Variants in GSE1 observed in about 807,000 individuals in gnomAD.
GSE1 encodes Gse1 coiled-coil protein.
A neutral mutation model predicts 112.6 loss-of-function variants in GSE1; 32 were observed. The observed-to-expected ratio is 0.28, with a 90% CI of 0.21 to 0.38. The LOEUF (loss-of-function observed/expected upper bound fraction) is 0.38, where lower values mean the gene tolerates loss of function less well. GSE1 is among the 10% of genes least tolerant of loss of function. The probability of loss-of-function intolerance (pLI) is 1.00; values close to 1 mark genes in which losing one functional copy is unlikely to be tolerated. For synonymous variants in GSE1, 1,115 were observed against 735.6 expected (o/e 1.52, Z -8.35); for missense variants, 2,348 against 1,699.2 (o/e 1.38, Z -6.71).
At chr16:85,607,410 C>A (rs1000049467), upstream of GSE1, among the ~76,000 whole-genome samples, 1 of 152,234 alleles carries the variant, frequency 6.6e-6, no homozygotes, top group Non-Finnish European at 1.5e-5. Flanking sequence ...CACCAGGGCT[C>A]GGCGGCGCTC....
At chr16:85,420,172 A>G (rs1296534061) in intron 2 of GSE1, among the ~76,000 whole-genome samples, 1 of 152,066 alleles carries the variant, frequency 6.6e-6, no homozygotes, top group African/African-American at 2.4e-5. Context: ...GGACTGCTTG[A>G]AGCCAGGAGT....
At chr16:85,448,826 C>G (rs941213724) in intron 2 of GSE1, among the ~76,000 whole-genome samples, 15 of 152,326 alleles carry the variant, frequency 9.8e-5, no homozygotes, top group Non-Finnish European at 1.5e-4. Context: ...GAGCCCTTCC[C>G]GAGCCGAGCC....
At chr16:85,613,265 T>G, upstream of GSE1, 4 of 1,530,782 alleles carry the variant, frequency 2.6e-6, no homozygotes, top group Middle Eastern at 1.7e-4. Flanking sequence ...CCCCGGAAGC[T>G]CCACCTCCCC....
chr16:85,600,301 C>A (rs2047405998), intron 1 of GSE1, among the ~76,000 whole-genome samples: 1 of 152,192 alleles, frequency 6.6e-6, no homozygotes, highest in Non-Finnish European at 1.5e-5. Flanking sequence ...GCTGTGATCA[C>A]CCTGTGCCCA....
chr16:85,654,639 TC>T (rs1343274362), intron 4 of GSE1, among the ~76,000 whole-genome samples, 154 bp from the exon 5 acceptor site: 1 of 151,746 alleles, frequency 6.6e-6, no homozygotes, highest in African/African-American at 2.4e-5. Flanking sequence ...GGCAGCTCGC[TC>T]CCCCCGCTGC....
At chr16:85,231,482 AGATG>A (rs1206996464) in intron 1 of GSE1, among the ~76,000 whole-genome samples, 1 of 151,554 alleles carries the variant, frequency 6.6e-6, no homozygotes, top group Non-Finnish European at 1.5e-5. Flanking sequence ...ATGGATGAAT[AGATG>A]GATGGACGGA....
At chr16:85,563,115 G>A (rs1455703663) in intron 1 of GSE1, among the ~76,000 whole-genome samples, 1 of 152,124 alleles carries the variant, frequency 6.6e-6, no homozygotes, top group East Asian at 1.9e-4. Flanking sequence ...CCGTGTATTC[G>A]AAGGGAAGAG....
Position 85,469,645 on chromosome 16 carries a change from T to TA in GSE1, c.2464+112003dup, listed in dbSNP as rs2151842186. On this transcript the variant is annotated intron_variant, in intron 2 of 2. Coordinates refer to the GSE1 transcript ENST00000637419. ...TCCTTGTGGACTCTGAGGCCCCCAG[T>TA]ACTGTGGGGCATAGCTTTGGGGACC... Among the ~76,000 whole-genome samples, 2 of 152,332 alleles carry TA rather than the reference T, an allele frequency of 1.3e-5. 1 individual carries two copies. The highest frequency in any genetic ancestry group is 4.1e-4 in the South Asian group (2 of 4,826).
intron 2 of GSE1, among the ~76,000 whole-genome samples, chr16:85,426,439 TGGAAGGAA>T (rs142082206): frequency 9.2e-6 from 1 of 109,020 alleles, no homozygotes; most frequent in African/African-American, 4.1e-5. Context: ...AATGGGTGGG[TGGAAGGAA>T]GGAAGGAAGG....
intron 1 of GSE1, among the ~76,000 whole-genome samples, chr16:85,583,056 G>A (rs1043575172): frequency 2.6e-5 from 4 of 152,084 alleles, no homozygotes; most frequent in Admixed American, 6.5e-5. Flanking sequence ...ATTCCTCCCC[G>A]CAGGGTACAC....
chr16:85,419,558 A>G lies in GSE1; in HGVS notation c.2464+61915A>G, dbSNP rs2048780099. On this transcript the variant is annotated intron_variant, in intron 2 of 2. Transcript: ENST00000637419. This position sits in a 1 kb window ranked among gnomAD's most constrained non-coding sequence, Gnocchi z 6.5. ...GAAATCGAGGCTGCAGTGAGCCATG[A>G]CTGCATCACTGTACTCCAGCCTGGG... Among the ~76,000 whole-genome samples the G allele has an allele frequency of 1.3e-5, 2 of 151,744 alleles. No individual in the cohort carries two copies. The highest frequency in any genetic ancestry group is 4.2e-4 in the South Asian group (2 of 4,806).
chr16:85,170,580 C>G, exon 1 of GSE1: 3 of 985,602 alleles, frequency 3.0e-6, no homozygotes, highest in Non-Finnish European at 1.2e-6. Context: ...GTGGCCGTGT[C>G]CCCCGGGCTC....
At chr16:85,249,899 G>T (rs1219756473) in intron 1 of GSE1, among the ~76,000 whole-genome samples, 1 of 152,274 alleles carries the variant, frequency 6.6e-6, no homozygotes, top group Non-Finnish European at 1.5e-5. Context: ...AGCTGCAGAA[G>T]CTGGTGATGC....
At chr16:85,313,788 C>G (rs2045916063) in intron 1 of GSE1, among the ~76,000 whole-genome samples, 1 of 152,258 alleles carries the variant, frequency 6.6e-6, no homozygotes, top group Non-Finnish European at 1.5e-5. Flanking sequence ...CTGGGCTGAG[C>G]TGGCAATGTC....
At position 85,492,430 on chromosome 16, in the gene GSE1, G is replaced by A. The variant is rs78663614; in HGVS notation, c.2464+134787G>A. On this transcript the variant is annotated intron_variant, in intron 2 of 2. Coordinates refer to the GSE1 transcript ENST00000637419. ...TAGGAATTCTTTCCCTGGAATTCCA[G>A]CAATGATGGCAACAGCAGTAAATGC... Among the ~76,000 whole-genome samples the A allele has an allele frequency of 3.1e-3, 473 of 152,292 alleles. 1 individual carries two copies. Among genetic ancestry groups the A allele is most frequent in the African/African-American group, 0.011 (454 of 41,550 alleles).
intron 1 of GSE1, among the ~76,000 whole-genome samples, chr16:85,307,084 T>G (rs1395197912): frequency 6.6e-6 from 1 of 151,458 alleles, no homozygotes; most frequent in Non-Finnish European, 1.5e-5. Flanking sequence ...GGGCAGAGGT[T>G]GTTCTGTGCT....
At chr16:85,423,870 G>A (rs2048908099) in intron 2 of GSE1, among the ~76,000 whole-genome samples, 1 of 152,226 alleles carries the variant, frequency 6.6e-6, no homozygotes. Flanking sequence ...CCAGCCTCGT[G>A]GGACATCTTC....
chr16:85,170,084 C>T, exon 1 of GSE1: 1 of 985,014 alleles, frequency 1.0e-6, no homozygotes, highest in Non-Finnish European at 1.2e-6. Flanking sequence ...GAGCCCGACC[C>T]GCCCGCGCGG....
At chr16:85,195,061 C>G (rs2074900962) in intron 1 of GSE1, among the ~76,000 whole-genome samples, 2 of 152,262 alleles carry the variant, frequency 1.3e-5, no homozygotes, top group Non-Finnish European at 1.5e-5. Context: ...CCTGTTCAGA[C>G]TCCACCATCC....
Sources: allele counts gnomAD v4.1 joint callset (sites outside exome capture counted in the v4.1 genomes callset), GRCh38; gene constraint gnomAD v4.1.1; non-coding constraint Gnocchi (gnomAD v3.1); transcripts MANE v1.5; gene names NCBI Gene and HGNC (gene_info 2026-07-23, HGNC 2026-07-21).